SAMD3: variants seen among roughly 807,000 people sequenced by gnomAD.
The protein encoded by SAMD3 is sterile alpha motif domain containing 3, also known as sterile alpha motif domain-containing protein 3.
A neutral mutation model predicts 58.5 loss-of-function variants in SAMD3; 63 were observed. The ratio of observed to expected loss-of-function variants is 1.08; its 90% CI spans 0.88 to 1.33. SAMD3 has a LOEUF of 1.33. Ranked by LOEUF, SAMD3 falls within the 40% of genes most tolerant of loss-of-function variation. SAMD3 has a pLI of 0.00. For missense variants in SAMD3, 604 were observed against 608.4 expected (o/e 0.99, Z 0.08); for synonymous variants, 220 against 210.3 (o/e 1.05, Z -0.40).
chr6:130,153,974 G>A (rs1214470910), intron 9 of SAMD3, among the ~76,000 whole-genome samples: 1 of 151,778 alleles, frequency 6.6e-6, no homozygotes, highest in East Asian at 1.9e-4. Flanking sequence ...ACCATGCCTG[G>A]CCCTAAATTT....
intron 2 of SAMD3, among the ~76,000 whole-genome samples, chr6:130,240,436 G>A (rs972085151): frequency 6.6e-6 from 1 of 152,116 alleles, no homozygotes; most frequent in Non-Finnish European, 1.5e-5. Flanking sequence ...GACGTCTGTG[G>A]GATCAGAGGC....
chr6:130,151,350 C>T (rs1789164894), intron 9 of SAMD3, among the ~76,000 whole-genome samples: 1 of 151,940 alleles, frequency 6.6e-6, no homozygotes, highest in African/African-American at 2.4e-5. Flanking sequence ...TTTTTTCCAG[C>T]TTTATCCATG....
intron 1 of SAMD3, among the ~76,000 whole-genome samples, chr6:130,348,388 C>G (rs1777529132): frequency 6.6e-6 from 1 of 152,030 alleles, no homozygotes; most frequent in South Asian, 2.1e-4. Flanking sequence ...GGAAGATCTA[C>G]CAAGCAAATG....
At chr6:130,301,689 A>G (rs1368813879) in intron 2 of SAMD3, among the ~76,000 whole-genome samples, 5 of 152,218 alleles carry the variant, frequency 3.3e-5, no homozygotes, top group African/African-American at 1.2e-4. Context: ...ACTATACCAT[A>G]TGGCTATGGT....
At chr6:130,290,235 T>G (rs933425344) in intron 2 of SAMD3, among the ~76,000 whole-genome samples, 9 of 152,182 alleles carry the variant, frequency 5.9e-5, no homozygotes, top group African/African-American at 2.2e-4. Flanking sequence ...CTGGCAAGTC[T>G]GAAATCCATA....
chr6:130,314,426 CAT>C (rs1776289656), intron 1 of SAMD3, among the ~76,000 whole-genome samples: 1 of 152,160 alleles, frequency 6.6e-6, no homozygotes, highest in South Asian at 2.1e-4. Flanking sequence ...CACTTAAAAA[CAT>C]AGAGATTACA....
rs557757836 is a variant in SAMD3 at position 130,266,915 on chromosome 6, G to T, written c.-187-44102C>A. On this transcript the variant is annotated intron_variant, in intron 2 of 13. Transcript: ENST00000368134. ...CACTTGGGCACAAGATGGCTCATGA[G>T]GATACCGGACCCCCATTTACATGCT... Among the ~76,000 whole-genome samples the T allele has an allele frequency of 1.2e-3, 187 of 152,264 alleles. 1 individual carries two copies. Among genetic ancestry groups the T allele is most frequent in the African/African-American group, 4.4e-3 (182 of 41,548 alleles).
At chr6:130,276,835 A>T (rs1254995340) in intron 2 of SAMD3, among the ~76,000 whole-genome samples, 1 of 152,076 alleles carries the variant, frequency 6.6e-6, no homozygotes, top group Non-Finnish European at 1.5e-5. Context: ...CATGGGTAGA[A>T]GGCTAGGGAA....
At chr6:130,228,263 T>C (rs926393491) in intron 2 of SAMD3, among the ~76,000 whole-genome samples, 1 of 152,256 alleles carries the variant, frequency 6.6e-6, no homozygotes, top group Non-Finnish European at 1.5e-5. Context: ...AGAACTCGAT[T>C]GTTCTCTTTG....
chr6:130,328,577 A>G (rs955708306), intron 1 of SAMD3, among the ~76,000 whole-genome samples: 5 of 152,198 alleles, frequency 3.3e-5, no homozygotes, highest in African/African-American at 1.2e-4. Context: ...AGATGACTAC[A>G]CATGAGGTCA....
intron 8 of SAMD3, among the ~76,000 whole-genome samples, chr6:130,159,219 T>A (rs1370042071): frequency 6.6e-6 from 1 of 152,198 alleles, no homozygotes; most frequent in Non-Finnish European, 1.5e-5. Flanking sequence ...CAAGATCCAA[T>A]GGTTTTAAAA....
At chr6:130,232,275 A>G (rs1796569810) in intron 2 of SAMD3, among the ~76,000 whole-genome samples, 1 of 152,200 alleles carries the variant, frequency 6.6e-6, no homozygotes, top group Admixed American at 6.5e-5. Flanking sequence ...AAAGACTCCA[A>G]AGGATTGGAC....
chr6:130,215,984 A>C, intron 2 of SAMD3: 1 of 592,062 alleles, frequency 1.7e-6, no homozygotes. Flanking sequence ...TATGATTGGT[A>C]AGATAACTAG....
intron 2 of SAMD3, among the ~76,000 whole-genome samples, chr6:130,250,701 T>C (rs1773709020): frequency 1.3e-5 from 2 of 152,218 alleles, no homozygotes; most frequent in Admixed American, 6.5e-5. Flanking sequence ...ATGTGGTCCT[T>C]TGTGTCTGCC....
intron 8 of SAMD3, among the ~76,000 whole-genome samples, chr6:130,155,977 G>GGTTTTACA (rs1473173054): frequency 1.3e-5 from 2 of 152,088 alleles, no homozygotes; most frequent in African/African-American, 4.8e-5. Context: ...AAGACTTGAG[G>GGTTTTACA]GTTTTACAGA....
chr6:130,226,115 T>C (rs1326268598), upstream of SAMD3, among the ~76,000 whole-genome samples: 1 of 152,240 alleles, frequency 6.6e-6, no homozygotes, highest in Admixed American at 6.5e-5. Context: ...GAAGCTGTCA[T>C]TCTACCTTTC....
chr6:130,248,877 G>A (rs73607936), intron 2 of SAMD3, among the ~76,000 whole-genome samples: 3 of 152,144 alleles, frequency 2.0e-5, no homozygotes, highest in Admixed American at 6.5e-5. Context: ...TCTAGGAAAT[G>A]TTAAATTAAT....
chr6:130,287,189 C>T lies in SAMD3; in HGVS notation c.-188+25789G>A, dbSNP rs571841500. 1.2e-3 allele frequency among the ~76,000 whole-genome samples: 179 copies of T among 152,284 alleles called. 1 individual carries two copies. Among genetic ancestry groups the T allele is most frequent in the African/African-American group, 4.1e-3 (171 of 41,566 alleles). ...GATCTTTACCTAAGTTTAGTCTCCT[C>T]CTAGAAATCTTCCAAACAATTCTCA... is the stretch of plus-strand genomic sequence containing the variant. On this transcript the variant is annotated intron_variant, in intron 2 of 13. Coordinates refer to the SAMD3 transcript ENST00000368134.
At chr6:130,225,449 C>A (rs532317016), upstream of SAMD3, among the ~76,000 whole-genome samples, 4 of 152,292 alleles carry the variant, frequency 2.6e-5, no homozygotes, top group South Asian at 6.2e-4. Context: ...GAGTTTCAAG[C>A]TTTAAAACCA....
Sources: allele counts gnomAD v4.1 joint callset (sites outside exome capture counted in the v4.1 genomes callset), GRCh38; gene constraint gnomAD v4.1.1; transcripts MANE v1.5; gene names NCBI Gene and HGNC (gene_info 2026-07-23, HGNC 2026-07-21).